The following FHIT variants were observed in gnomAD, a reference collection of about 807,000 sequenced individuals.
The protein encoded by FHIT is bis(5'-adenosyl)-triphosphatase.
Under a neutral mutation model 17.9 loss-of-function variants are expected in FHIT, and 19 were observed. That is an observed-to-expected ratio of 1.06 (90% CI 0.74 to 1.56). The LOEUF (loss-of-function observed/expected upper bound fraction) is 1.56. Ranked by LOEUF, FHIT falls within the 40% of genes most tolerant of loss-of-function variation. The pLI, the probability that FHIT is intolerant of heterozygous loss-of-function variation, is 0.00. For synonymous variants in FHIT, 81 were observed against 69.7 expected (o/e 1.16, Z -0.81); for missense variants, 248 against 189.2 (o/e 1.31, Z -1.82).
At chr3:59,829,647 A>G (rs1025055830) in intron 8 of FHIT, among the ~76,000 whole-genome samples, 3 of 152,202 alleles carry the variant, frequency 2.0e-5, no homozygotes, top group African/African-American at 4.8e-5. Context: ...TCCCTTGCAG[A>G]TAAGTGAGCA....
At chr3:59,844,879 A>G (rs79274210) in intron 8 of FHIT, among the ~76,000 whole-genome samples, 5,001 of 152,182 alleles carry the variant, frequency 0.033, 113 homozygotes, top group Admixed American at 0.054. Context: ...AGATCGGTTT[A>G]GTTGTTTAAA....
At chr3:59,976,204 A>T (rs944729030) in intron 7 of FHIT, among the ~76,000 whole-genome samples, 2 of 152,126 alleles carry the variant, frequency 1.3e-5, no homozygotes, top group Non-Finnish European at 2.9e-5. Flanking sequence ...TCACATAAAC[A>T]GAAGTAGCAT....
At position 60,536,956 on chromosome 3, in the gene FHIT, A is replaced by G. The variant is rs756568587; in HGVS notation, c.7T>C (p.Phe3Leu). 4 of 1,610,680 alleles carry G rather than the reference A, an allele frequency of 2.5e-6. No individual in the cohort carries two copies. In the African/African-American group the frequency reaches 5.4e-5, roughly 22 times the overall value. The change falls in exon 5 of 10, where the codon TTC becomes CTC. Residue 3 changes from phenylalanine (F) to leucine (L), a missense_variant. By Grantham distance (22) the Phe-to-Leu change is conservative. Transcript: ENST00000492590. ...TTGATGAGATGTTGGCCAAATCTGA[A>G]CGACATGTCCTCACAGTTGAAGTCT... MS[F>L]RFGQHLIKPS...
At chr3:60,336,847 A>G (rs931376769) in intron 5 of FHIT, among the ~76,000 whole-genome samples, 3 of 151,944 alleles carry the variant, frequency 2.0e-5, no homozygotes, top group African/African-American at 7.3e-5. Flanking sequence ...AATGCAGACT[A>G]AGACTATTTA....
chr3:61,200,039 C>G (rs1387778996), intron 2 of FHIT, among the ~76,000 whole-genome samples: 1 of 152,088 alleles, frequency 6.6e-6, no homozygotes, highest in Admixed American at 6.5e-5. Flanking sequence ...CACAAGAGAC[C>G]GAGTAGGTAC....
intron 3 of FHIT, among the ~76,000 whole-genome samples, chr3:60,973,201 G>A (rs1425561039): frequency 6.6e-6 from 1 of 152,140 alleles, no homozygotes; most frequent in Non-Finnish European, 1.5e-5. Context: ...CTTCTGGCAG[G>A]CAGATAGAGT....
At chr3:59,951,442 G>T (rs1235301195) in intron 7 of FHIT, among the ~76,000 whole-genome samples, 2 of 152,206 alleles carry the variant, frequency 1.3e-5, no homozygotes, top group Non-Finnish European at 2.9e-5. Context: ...GTAAAATGGG[G>T]TATAAAACTA....
intron 3 of FHIT, among the ~76,000 whole-genome samples, chr3:60,944,223 A>G (rs782207471): frequency 6.6e-6 from 1 of 152,200 alleles, no homozygotes; most frequent in Non-Finnish European, 1.5e-5. Flanking sequence ...CAAACATTCT[A>G]TGAGAATATG....
chr3:60,444,375 C>G (rs1185775583), intron 5 of FHIT, among the ~76,000 whole-genome samples: 1 of 152,116 alleles, frequency 6.6e-6, no homozygotes, highest in Non-Finnish European at 1.5e-5. Flanking sequence ...AATCATGCTG[C>G]TATAAAGACA....
chr3:60,566,965 C>A (rs1376547268), intron 4 of FHIT, among the ~76,000 whole-genome samples: 1 of 146,070 alleles, frequency 6.8e-6, no homozygotes, highest in African/African-American at 2.6e-5. Context: ...AAAGAGGATA[C>A]AAACAAATGG....
At chr3:60,890,246 A>G (rs1705446175) in intron 3 of FHIT, among the ~76,000 whole-genome samples, 1 of 123,136 alleles carries the variant, frequency 8.1e-6, no homozygotes, top group Non-Finnish European at 1.7e-5. Context: ...AAAAAAAAAA[A>G]AAGGCCAATC....
Position 60,536,848 on chromosome 3 carries a change from AAG to A in FHIT, c.103+10_103+11del. The A allele has an allele frequency of 6.4e-7, 1 of 1,574,410 alleles. No individual in the cohort carries two copies. The highest frequency in any genetic ancestry group is 8.6e-7 in the Non-Finnish European group (1 of 1,167,672). ...TTTATTTTCCCTCTCCAAAAAAAAAAAGAAAGGATACGTCCTGGTACCACAGG... is the reference window on the plus strand; with the variant it reads ...TTTATTTTCCCTCTCCAAAAAAAAAAAAAGGATACGTCCTGGTACCACAGG... On this transcript the variant is annotated intron_variant, in intron 5 of 9. Coordinates refer to ENST00000492590, the MANE Select transcript of FHIT (RefSeq NM_002012.4).
chr3:60,920,823 T>C lies in FHIT; in HGVS notation c.-110-98812A>G, dbSNP rs143734214. Among the ~76,000 whole-genome samples the C allele has an allele frequency of 2.0e-4, 30 of 152,316 alleles. No homozygotes were observed. The East Asian group carries it at 5.6e-3, about 28-fold the overall frequency. On this transcript the variant is annotated intron_variant, in intron 3 of 9. Coordinates refer to ENST00000492590, the MANE Select transcript of FHIT (RefSeq NM_002012.4). Reference sequence around the variant, plus strand: ...GCAGGAAAAAGGCATGATCCCATGATCGGATTATCATCATTAGAAAACCAC... The same window carrying C: ...GCAGGAAAAAGGCATGATCCCATGACCGGATTATCATCATTAGAAAACCAC...
At chr3:59,986,328 C>A (rs574737233) in intron 7 of FHIT, among the ~76,000 whole-genome samples, 7 of 151,242 alleles carry the variant, frequency 4.6e-5, no homozygotes, top group Non-Finnish European at 1.0e-4. Context: ...AGAAACACCA[C>A]ATGTACAAAG....
chr3:60,298,705 G>C (rs1386089640), intron 5 of FHIT, among the ~76,000 whole-genome samples: 1 of 152,042 alleles, frequency 6.6e-6, no homozygotes, highest in African/African-American at 2.4e-5. Context: ...TTTTTCTGTG[G>C]GAATTGATAT....
chr3:59,977,991 A>G (rs1708488559), intron 7 of FHIT, among the ~76,000 whole-genome samples: 1 of 152,190 alleles, frequency 6.6e-6, no homozygotes, highest in Non-Finnish European at 1.5e-5. Context: ...AGACAAGAGT[A>G]CAGTGTTAAT....
At chr3:60,732,439 G>A (rs2042049215) in intron 4 of FHIT, 1 of 736,924 alleles carries the variant, frequency 1.4e-6, no homozygotes, top group Non-Finnish European at 2.6e-6. Flanking sequence ...GGCATGTGAA[G>A]TCACCACCCT....
At chr3:59,988,021 T>C (rs578231838) in intron 7 of FHIT, among the ~76,000 whole-genome samples, 13 of 152,196 alleles carry the variant, frequency 8.5e-5, no homozygotes, top group Admixed American at 2.0e-4. Flanking sequence ...TAAAAGTCCC[T>C]CTCTTTTGTT....
At chr3:60,381,219 T>G (rs894908882) in intron 5 of FHIT, among the ~76,000 whole-genome samples, 1 of 152,140 alleles carries the variant, frequency 6.6e-6, no homozygotes, top group African/African-American at 2.4e-5. Context: ...GGCTCACACC[T>G]GTAATCCCAG....
Sources: gnomAD v4.1 joint callset for allele counts (sites outside exome capture counted in the v4.1 genomes callset) on GRCh38, gnomAD v4.1.1 for gene constraint, MANE v1.5 for transcripts, NCBI Gene and HGNC (gene_info 2026-07-23, HGNC 2026-07-21) for gene names.